THAP10: variants seen among roughly 807,000 people sequenced by gnomAD.
THAP10 encodes the protein THAP domain-containing protein 10.
A neutral mutation model predicts 15.7 loss-of-function variants in THAP10; 10 were observed. The ratio of observed to expected loss-of-function variants is 0.64; its 90% confidence interval spans 0.39 to 1.08. The LOEUF is 1.08. THAP10 is among the 50% of genes least tolerant of loss of function. The pLI is 0.01. For missense variants in THAP10, 310 were observed against 330.9 expected, an observed-to-expected ratio of 0.94 and a Z score of 0.49; for synonymous variants, 127 against 129.1, an observed-to-expected ratio of 0.98 and a Z score of 0.11.
At chr15:70,884,512 T>C (rs1313428929) in intron 1 of THAP10, among the ~76,000 whole-genome samples, 1 of 151,764 alleles carries the variant, frequency 6.6e-6, no homozygotes, top group African/African-American at 2.4e-5. Context: ...AGAGTGAGGC[T>C]CTGTTTCAAA....
chr15:70,892,321 T>C lies in THAP10; in HGVS notation c.-49A>G, dbSNP rs749872519. On this transcript the variant is annotated 5_prime_UTR_variant, in exon 1 of 3. Coordinates refer to ENST00000249861, the MANE Select transcript of THAP10 (RefSeq NM_020147.4). ...AGCCGGGTTCCCTGGACCTTCGCCC[T>C]TGGGCACGCTCCTCGCAGCGGCCTC... 1.9e-6 allele frequency: 3 copies of C among 1,549,794 alleles called. No homozygotes were observed. The highest frequency in any genetic ancestry group is 2.7e-5 in the African/African-American group (2 of 73,074).
intron 1 of THAP10, among the ~76,000 whole-genome samples, chr15:70,885,723 C>T (rs2033388799): frequency 6.6e-6 from 1 of 152,068 alleles, no homozygotes; most frequent in South Asian, 2.1e-4. Context: ...ATATATACCA[C>T]CAAATAGGTA....
At position 70,892,135 on chromosome 15, in the gene THAP10, T is replaced by G; in HGVS notation, c.138A>C (p.Gly46=). 1 of 1,613,660 alleles carries G rather than the reference T, an allele frequency of 6.2e-7. No individual in the cohort carries two copies. The highest frequency in any genetic ancestry group is 8.5e-7 in the Non-Finnish European group (1 of 1,179,840). Residue 46 remains glycine (G), a synonymous_variant, in exon 1 of 3, where the codon GGA becomes GGC. Transcript: ENST00000249861. ...FVRGCRADWY[G]GNDRSVICSD... is the part of the protein sequence containing the mutation. ...AGCAGATGACCGAGCGGTCATTGCC[T>G]CCGTACCAGTCGGCGCGGCAACCCC...
chr15:70,884,007 AG>A (rs1253994234), intron 1 of THAP10, among the ~76,000 whole-genome samples: 2 of 152,064 alleles, frequency 1.3e-5, no homozygotes, highest in Non-Finnish European at 2.9e-5. Flanking sequence ...AGAAAGAAGG[AG>A]GGTTTTGATA....
chr15:70,886,079 C>T (rs1024919165), intron 1 of THAP10, among the ~76,000 whole-genome samples: 1 of 151,762 alleles, frequency 6.6e-6, no homozygotes, highest in African/African-American at 2.4e-5. Context: ...TCTAATTAAC[C>T]CACGAATAAA....
intron 1 of THAP10, among the ~76,000 whole-genome samples, chr15:70,889,306 A>C (rs1396448568): frequency 6.6e-6 from 1 of 152,198 alleles, no homozygotes; most frequent in Non-Finnish European, 1.5e-5. Flanking sequence ...AATGTTGAAC[A>C]AAAGAAGCCA....
At chr15:70,889,659 T>C (rs1406696929) in intron 1 of THAP10, among the ~76,000 whole-genome samples, 1 of 152,226 alleles carries the variant, frequency 6.6e-6, no homozygotes, top group East Asian at 1.9e-4. Flanking sequence ...TCCTTGGAAG[T>C]GGTGTCTTAT....
chr15:70,890,079 T>C (rs1220801265), intron 1 of THAP10, among the ~76,000 whole-genome samples: 2 of 152,238 alleles, frequency 1.3e-5, no homozygotes, highest in African/African-American at 4.8e-5. Context: ...TTATTATGTA[T>C]GCTGGATCTG....
chr15:70,886,885 G>T lies in THAP10; in HGVS notation c.430-3977C>A, dbSNP rs576548120. ...TGTCTAAAAAAGAAAAAAAAAAATC[G>T]ATAAACCATCTGGTGAAGCTGATCA... On this transcript the variant is annotated intron_variant, in intron 1 of 2. Transcript: ENST00000249861. Among the ~76,000 whole-genome samples the T allele has an allele frequency of 7.9e-5, 12 of 151,536 alleles. 1 individual carries two copies. In the South Asian group the frequency reaches 2.5e-3, roughly 32 times the overall value.
intron 1 of THAP10, among the ~76,000 whole-genome samples, chr15:70,889,889 G>A (rs566359246): frequency 2.6e-5 from 4 of 152,166 alleles, no homozygotes; most frequent in African/African-American, 9.7e-5. Flanking sequence ...TGTGGTTAGG[G>A]TTCTTTATCC....
At position 70,885,073 on chromosome 15, in the gene THAP10, A is replaced by G. The variant is rs150614542; in HGVS notation, c.430-2165T>C. Among the ~76,000 whole-genome samples, 233 of 152,310 alleles carry G rather than the reference A, an allele frequency of 1.5e-3. 1 individual carries two copies. The highest frequency in any genetic ancestry group is 0.013 in the East Asian group (65 of 5,188). On this transcript the variant is annotated intron_variant, in intron 1 of 2. Coordinates refer to ENST00000249861, the MANE Select transcript of THAP10 (RefSeq NM_020147.4). ...ATACTACAATTTATTAAAACAATCC[A>G]TATTACTAGGAATATTTGAACATAA... is the stretch of plus-strand genomic sequence containing the variant.
At chr15:70,885,509 G>A (rs936993996) in intron 1 of THAP10, among the ~76,000 whole-genome samples, 1 of 152,126 alleles carries the variant, frequency 6.6e-6, no homozygotes, top group African/African-American at 2.4e-5. Flanking sequence ...TCTCTTCAGC[G>A]GGGTAACCAT....
At chr15:70,890,272 GTA>G (rs1176477482) in intron 1 of THAP10, among the ~76,000 whole-genome samples, 1 of 152,132 alleles carries the variant, frequency 6.6e-6, no homozygotes, top group Non-Finnish European at 1.5e-5. Context: ...GTATGTGGAT[GTA>G]TATGTTTGGG....
intron 1 of THAP10, among the ~76,000 whole-genome samples, chr15:70,884,349 A>G (rs2033346949): frequency 1.3e-5 from 2 of 151,992 alleles, no homozygotes; most frequent in African/African-American, 2.4e-5. Flanking sequence ...CCTAGCCAAC[A>G]TCGTGAAACC....
Position 70,881,520 on chromosome 15 carries a change from A to G in THAP10, c.*934T>C, listed in dbSNP as rs2033263636. On this transcript the variant is annotated 3_prime_UTR_variant, in exon 3 of 3. Coordinates refer to ENST00000249861, the MANE Select transcript of THAP10 (RefSeq NM_020147.4). ...TTGATATTTATTTTTGTTATTCTCA[A>G]TGGAAGATCAGAGTTATAGTATGCT... 1 of 152,194 alleles carries G rather than the reference A, an allele frequency of 6.6e-6. No homozygotes were observed. Among genetic ancestry groups the G allele is most frequent in the Non-Finnish European group, 1.5e-5 (1 of 68,034 alleles). 9.4% of individuals were successfully genotyped at this position (152,194 alleles called of 1,614,324 possible).
intron 1 of THAP10, 147 bp from the exon 2 acceptor site, chr15:70,883,055 C>A: frequency 1.4e-6 from 1 of 704,450 alleles, no homozygotes; most frequent in South Asian, 2.1e-5. Context: ...CAAGGTGAAT[C>A]TATAGTCCAA....
rs924935418 is a variant in THAP10 at position 70,882,569 on chromosome 15, G to A, written c.659C>T (p.Ser220Phe). The change falls in exon 3 of 3, where the codon TCC becomes TTC. Residue 220 changes from serine to phenylalanine, a missense_variant. Transcript: ENST00000249861. Reference sequence around the variant, plus strand: ...ACTGGAGTAAATGTCAAAGAGAGAGGAAGTTCTAGACCACAATTCCTCTGT... The same window carrying A: ...ACTGGAGTAAATGTCAAAGAGAGAGAAAGTTCTAGACCACAATTCCTCTGT... ...TQTEELWSRT[S>F]SLFDIYSSDS... 4 of 1,613,804 alleles carry A rather than the reference G, an allele frequency of 2.5e-6. No individual in the cohort carries two copies. In the African/African-American group the frequency reaches 5.3e-5, roughly 22 times the overall value.
chr15:70,882,781 C>G lies in THAP10; in HGVS notation c.557G>C (p.Arg186Thr). The G allele has an allele frequency of 1.2e-6, 2 of 1,614,152 alleles. No individual in the cohort carries two copies. Among genetic ancestry groups the G allele is most frequent in the South Asian group, 2.2e-5 (2 of 91,084 alleles). The stretch of plus-strand genomic sequence containing the variant: ...CATACCCACACTACGGTGACGGGGC[C>G]TTTTCAAAGAAATTTGTGTACTTTT... ...VHKSTQISLK[R>T]PRHRSVGIQA... The change falls in exon 2 of 3, where the codon AGG (arginine) becomes ACG (threonine). Residue 186 changes from arginine (R) to threonine (T), a missense_variant. Arg to Thr is a moderately conservative substitution (Grantham distance 71, BLOSUM62 -1). Transcript: ENST00000249861.
At position 70,892,365 on chromosome 15, in the gene THAP10, C is replaced by T. The variant is rs1337806000; in HGVS notation, c.-93G>A. On this transcript the variant is annotated 5_prime_UTR_variant, in exon 1 of 3. Transcript: ENST00000249861. ...CGGCCTCGGCGAGGCAAGTCCTCCC[C>T]TCCTCACCTGTCCACTCCGGGTCGG... 6 of 1,547,614 alleles carry T rather than the reference C, an allele frequency of 3.9e-6. No homozygotes were observed. The Admixed American group carries it at 1.2e-4, about 30-fold the overall frequency.
Sources: allele counts gnomAD v4.1 joint callset (sites outside exome capture counted in the v4.1 genomes callset), GRCh38; gene constraint gnomAD v4.1.1; transcripts MANE v1.5; gene names NCBI Gene and HGNC (gene_info 2026-07-23, HGNC 2026-07-21).